ARHGAP24: variants seen among roughly 807,000 people sequenced by gnomAD.
ARHGAP24 encodes the protein Rho GTPase activating protein 24.
In ARHGAP24, 50 loss-of-function variants were observed where a neutral mutation model predicts 76.4. That is an observed-to-expected ratio of 0.65 (90% CI 0.52 to 0.83). ARHGAP24 has a LOEUF of 0.83. ARHGAP24 is among the 40% of genes least tolerant of loss of function. The pLI is 0.00. For missense variants in ARHGAP24, 930 were observed against 914.2 expected, an observed-to-expected ratio of 1.02 and a Z score of -0.22; for synonymous variants, 345 against 323.3, an observed-to-expected ratio of 1.07 and a Z score of -0.72.
chr4:85,961,620 T>C (rs1476535819), intron 5 of ARHGAP24, among the ~76,000 whole-genome samples: 1 of 152,100 alleles, frequency 6.6e-6, no homozygotes, highest in East Asian at 1.9e-4. Context: ...TGCAGTAAAG[T>C]CATTGTTGGG....
At chr4:85,550,947 T>C (rs144333056) in intron 1 of ARHGAP24, among the ~76,000 whole-genome samples, 35 of 152,312 alleles carry the variant, frequency 2.3e-4, no homozygotes, top group African/African-American at 8.2e-4. Flanking sequence ...CAACAAGGTT[T>C]TATAGGAATA....
Position 85,942,202 on chromosome 4 carries a change from G to T in ARHGAP24, c.528G>T (p.Leu176=), listed in dbSNP as rs1337984963. ...RGLKEEGLFR[L]PGQANLVKEL... is the part of the protein sequence containing the mutation. ...TGAAAGAAGAGGGTCTCTTTCGACT[G>T]CCAGGCCAGGCTAATCTTGTTAAGG... Residue 176 remains leucine (L), a synonymous_variant, in exon 5 of 10, where the codon CTG becomes CTT. Transcript: ENST00000395184. 1 of 1,614,000 alleles carries T rather than the reference G, an allele frequency of 6.2e-7. No individual in the cohort carries two copies. Among genetic ancestry groups the T allele is most frequent in the African/African-American group, 1.3e-5 (1 of 74,910 alleles).
At chr4:85,673,322 A>G (rs1722872016) in intron 2 of ARHGAP24, among the ~76,000 whole-genome samples, 2 of 152,166 alleles carry the variant, frequency 1.3e-5, no homozygotes, top group South Asian at 4.1e-4. Context: ...ACCTACATGC[A>G]GTTTCCTTTT....
chr4:85,973,346 T>C (rs1217093905), intron 6 of ARHGAP24, among the ~76,000 whole-genome samples: 1 of 152,234 alleles, frequency 6.6e-6, no homozygotes, highest in Non-Finnish European at 1.5e-5. Context: ...AAATATCTAT[T>C]CAGATTATTT....
chr4:85,906,030 G>A (rs1734752227), intron 3 of ARHGAP24, among the ~76,000 whole-genome samples: 1 of 152,136 alleles, frequency 6.6e-6, no homozygotes, highest in Admixed American at 6.5e-5. Context: ...GGAGCTAGAG[G>A]CTAAAGACAT....
intron 2 of ARHGAP24, among the ~76,000 whole-genome samples, chr4:85,680,096 G>A (rs745758909): frequency 1.3e-5 from 2 of 152,110 alleles, no homozygotes; most frequent in Non-Finnish European, 2.9e-5. Context: ...CCCAGGAAAA[G>A]TGCATCATCA....
At chr4:85,590,699 T>C (rs1728058505) in intron 2 of ARHGAP24, among the ~76,000 whole-genome samples, 1 of 152,066 alleles carries the variant, frequency 6.6e-6, no homozygotes, top group South Asian at 2.1e-4. Flanking sequence ...ACTCATTGAG[T>C]ACTTTCTGTC....
At chr4:85,637,166 A>G (rs998611439) in intron 2 of ARHGAP24, among the ~76,000 whole-genome samples, 7 of 152,104 alleles carry the variant, frequency 4.6e-5, no homozygotes, top group African/African-American at 1.7e-4. Context: ...GTAATTGTGA[A>G]CTGATGCATA....
intron 2 of ARHGAP24, among the ~76,000 whole-genome samples, chr4:85,704,589 G>A (rs924108566): frequency 1.3e-5 from 2 of 152,162 alleles, no homozygotes; most frequent in African/African-American, 4.8e-5. Context: ...ACGATGTGCT[G>A]TGACCTGTGG....
intron 5 of ARHGAP24, among the ~76,000 whole-genome samples, chr4:85,948,574 T>C (rs1348402861): frequency 6.6e-6 from 1 of 152,234 alleles, no homozygotes; most frequent in Non-Finnish European, 1.5e-5. Flanking sequence ...AATCAAGTTC[T>C]TGATAACTAT....
intron 2 of ARHGAP24, among the ~76,000 whole-genome samples, chr4:85,640,396 T>C (rs1033830695): frequency 5.3e-5 from 8 of 152,192 alleles, no homozygotes; most frequent in Admixed American, 4.6e-4. Flanking sequence ...TGTGGCCCCT[T>C]GTGGCATGGC....
chr4:85,530,558 A>G (rs1041107953), intron 1 of ARHGAP24, among the ~76,000 whole-genome samples: 1 of 151,126 alleles, frequency 6.6e-6, no homozygotes, highest in Non-Finnish European at 1.5e-5. Context: ...TTTTTCCAAT[A>G]AACACTCACA....
intron 2 of ARHGAP24, among the ~76,000 whole-genome samples, chr4:85,714,112 G>T (rs939244592): frequency 1.3e-5 from 2 of 152,088 alleles, no homozygotes; most frequent in Non-Finnish European, 2.9e-5. Flanking sequence ...AGAAGTGACC[G>T]TATGGTAGCT....
chr4:85,989,202 A>G (rs1356079786), intron 8 of ARHGAP24, among the ~76,000 whole-genome samples: 3 of 151,666 alleles, frequency 2.0e-5, no homozygotes, highest in African/African-American at 7.2e-5. Flanking sequence ...CAGGTTTAAC[A>G]GAAGTGACCT....
chr4:85,621,738 T>C (rs1578084275), intron 2 of ARHGAP24, among the ~76,000 whole-genome samples: 1 of 152,194 alleles, frequency 6.6e-6, no homozygotes, highest in Non-Finnish European at 1.5e-5. Context: ...GTTGACAGTT[T>C]ATTCTGCTGT....
At chr4:85,756,589 CT>C (rs200665851) in intron 3 of ARHGAP24, among the ~76,000 whole-genome samples, 1 of 151,620 alleles carries the variant, frequency 6.6e-6, no homozygotes, top group Non-Finnish European at 1.5e-5. Flanking sequence ...ATCTCTGTAT[CT>C]TTTTTTTTCC....
intron 3 of ARHGAP24, among the ~76,000 whole-genome samples, chr4:85,791,964 G>A (rs553539678): frequency 6.6e-6 from 1 of 152,262 alleles, no homozygotes; most frequent in East Asian, 1.9e-4. Context: ...GTGCTTTTTA[G>A]TTAAATTATG....
intron 3 of ARHGAP24, among the ~76,000 whole-genome samples, chr4:85,782,235 T>C (rs936965710): frequency 1.3e-5 from 2 of 152,172 alleles, no homozygotes; most frequent in African/African-American, 4.8e-5. Context: ...TTGACTCCTC[T>C]TTCATTTTAA....
intron 2 of ARHGAP24, among the ~76,000 whole-genome samples, chr4:85,685,126 A>G (rs767730031): frequency 2.0e-5 from 3 of 152,104 alleles, no homozygotes; most frequent in Non-Finnish European, 4.4e-5. Context: ...ATCTTTTTCT[A>G]TCCAAACATT....
Sources: gnomAD v4.1 joint callset for allele counts (sites outside exome capture counted in the v4.1 genomes callset) on GRCh38, gnomAD v4.1.1 for gene constraint, MANE v1.5 for transcripts, NCBI Gene and HGNC (gene_info 2026-07-23, HGNC 2026-07-21) for gene names.